Variants in VPS13B observed in about 807,000 individuals in gnomAD.
The protein encoded by VPS13B is intermembrane lipid transfer protein VPS13B.
In VPS13B, 285 loss-of-function variants were observed where a neutral mutation model predicts 426.4. That is an observed-to-expected ratio of 0.67 (90% CI 0.61 to 0.74). VPS13B has a LOEUF of 0.74. Ranked by LOEUF, VPS13B falls within the 30% of genes least tolerant of loss-of-function variation. The probability of loss-of-function intolerance (pLI) is 0.00; values close to 1 mark genes in which losing one functional copy is unlikely to be tolerated. For synonymous variants in VPS13B, 1,676 were observed against 1,676.4 expected (o/e 1.00, Z 0.01); for missense variants, 4,537 against 4,782.6 (o/e 0.95, Z 1.51).
At chr8:99,304,782 T>A (rs1309886849) in intron 19 of VPS13B, among the ~76,000 whole-genome samples, 1 of 152,158 alleles carries the variant, frequency 6.6e-6, no homozygotes, top group Non-Finnish European at 1.5e-5. Flanking sequence ...CTTTTATATC[T>A]GGGCAATCAA....
chr8:99,812,537 C>T (rs77061265), intron 44 of VPS13B, among the ~76,000 whole-genome samples: 7,129 of 152,244 alleles, frequency 0.047, 188 homozygotes, highest in African/African-American at 0.064. Flanking sequence ...AAGCTCTTTT[C>T]TTAACATTGA....
At position 99,511,468 on chromosome 8, in the gene VPS13B, G is replaced by T; in HGVS notation, c.4589G>T (p.Arg1530Ile). Reference protein sequence around the residue: ...PLIYVNTSVIRIFIPKTEEMQ... With the variant: ...PLIYVNTSVIIIFIPKTEEMQ... Reference sequence around the variant, plus strand: ...ATTTATGTCAACACAAGTGTAATCAGAATTTTTATTCCAAAAACAGAAGAA... The same window carrying T: ...ATTTATGTCAACACAAGTGTAATCATAATTTTTATTCCAAAAACAGAAGAA... The change falls in exon 29 of 62, where the codon AGA (arginine) becomes ATA (isoleucine). Residue 1530 changes from arginine to isoleucine, a missense_variant. By Grantham distance (97) the Arg-to-Ile change is moderately conservative (BLOSUM62 -3). Transcript: ENST00000357162. The T allele has an allele frequency of 1.2e-6, 2 of 1,612,766 alleles. No individual in the cohort carries two copies. The highest frequency in any genetic ancestry group is 1.7e-6 in the Non-Finnish European group (2 of 1,179,770).
intron 58 of VPS13B, among the ~76,000 whole-genome samples, chr8:99,863,983 C>T (rs558810276): frequency 4.0e-4 from 61 of 152,176 alleles, no homozygotes; most frequent in Admixed American, 1.7e-3. Flanking sequence ...TCACAGTGGG[C>T]ATCTCAAGCT....
intron 17 of VPS13B, among the ~76,000 whole-genome samples, chr8:99,214,593 G>A (rs1213861334): frequency 6.6e-6 from 1 of 152,118 alleles, no homozygotes; most frequent in Non-Finnish European, 1.5e-5. Flanking sequence ...AGGTTTAACT[G>A]ATTATATTAA....
intron 22 of VPS13B, among the ~76,000 whole-genome samples, chr8:99,439,678 T>C (rs1178939683): frequency 1.3e-5 from 2 of 152,072 alleles, no homozygotes; most frequent in Non-Finnish European, 2.9e-5. Context: ...AGTTATGTTA[T>C]TGAAAAGGGA....
At chr8:99,138,797 C>T (rs112074503) in intron 12 of VPS13B, among the ~76,000 whole-genome samples, 205 of 152,242 alleles carry the variant, frequency 1.3e-3, no homozygotes, top group African/African-American at 4.6e-3. Flanking sequence ...TGGTAGGTTT[C>T]CTCTTGTTCA....
At chr8:99,642,570 T>C (rs1359127472) in intron 34 of VPS13B, 72 bp downstream of exon 34, 2 of 1,372,010 alleles carry the variant, frequency 1.5e-6, no homozygotes, top group East Asian at 2.5e-5. Flanking sequence ...AGTTTCCAGA[T>C]TGATTAAACA....
At chr8:99,802,111 C>T (rs1813154531) in intron 43 of VPS13B, among the ~76,000 whole-genome samples, 1 of 150,528 alleles carries the variant, frequency 6.6e-6, no homozygotes, top group Admixed American at 6.6e-5. Context: ...GATCGTGCCA[C>T]TACACTCAAG....
At chr8:99,544,550 C>G (rs1457055554) in intron 30 of VPS13B, among the ~76,000 whole-genome samples, 1 of 151,982 alleles carries the variant, frequency 6.6e-6, no homozygotes, top group Non-Finnish European at 1.5e-5. Context: ...GAAATGATTG[C>G]TTAGTGCTTA....
rs886062537 is a variant in VPS13B, at chr8:99,147,951, A to G, written c.1954A>G (p.Ile652Val). 6.2e-7 allele frequency: 1 copy of G among 1,613,792 alleles called. No homozygotes were observed. Among genetic ancestry groups the G allele is most frequent in the Non-Finnish European group, 8.5e-7 (1 of 1,179,882 alleles). Residue 652 changes from isoleucine (I) to valine (V), a missense_variant, in exon 14 of 62, where the codon ATT (isoleucine) becomes GTT (valine). Around this residue, in one of 2 missense-constraint regions of VPS13B, gnomAD observed 4,311 missense variants for 4,474.3 expected, o/e 0.96. Transcript: ENST00000357162. ...SVTLLKCTCTISMAEFNLLDH... is the reference protein window; with the variant it reads ...SVTLLKCTCTVSMAEFNLLDH... ...TACTCTCCTCAAATGTACCTGCACAATTTCCATGGCTGAATTCAACTTGCT... is the reference window on the plus strand; with the variant it reads ...TACTCTCCTCAAATGTACCTGCACAGTTTCCATGGCTGAATTCAACTTGCT...
chr8:99,412,100 G>T (rs780276729), intron 21 of VPS13B, among the ~76,000 whole-genome samples: 5 of 152,200 alleles, frequency 3.3e-5, no homozygotes, highest in Admixed American at 6.5e-5. Context: ...GTCAATGGTA[G>T]CTTGATGGGG....
intron 19 of VPS13B, among the ~76,000 whole-genome samples, chr8:99,378,067 C>G (rs1450784818): frequency 6.7e-6 from 1 of 149,708 alleles, no homozygotes; most frequent in South Asian, 2.1e-4. Flanking sequence ...CTGCAGGAGG[C>G]CAGGACGTGT....
intron 33 of VPS13B, among the ~76,000 whole-genome samples, chr8:99,605,086 A>G (rs1827509187): frequency 1.3e-5 from 2 of 152,320 alleles, no homozygotes; most frequent in East Asian, 1.9e-4. Context: ...CATTTGCAAT[A>G]TGTGAGATTT....
At chr8:99,454,105 A>G (rs1278531041) in intron 23 of VPS13B, among the ~76,000 whole-genome samples, 3 of 152,202 alleles carry the variant, frequency 2.0e-5, no homozygotes, top group African/African-American at 4.8e-5. Flanking sequence ...ATTGGCATCA[A>G]ACAGTATATA....
Position 99,760,443 on chromosome 8 carries a change from A to C in VPS13B, c.7051-6331A>C, listed in dbSNP as rs1481852030. The stretch of plus-strand genomic sequence containing the variant: ...GTTTTATTATCCTTGTTTACAAGTG[A>C]GGGAACTGAGGCTCAGAATCATTAA... On this transcript the variant is annotated intron_variant, in intron 39 of 61. Coordinates refer to ENST00000357162, the MANE Select transcript of VPS13B (RefSeq NM_152564.5). Among the ~76,000 whole-genome samples the C allele has an allele frequency of 2.6e-5, 4 of 152,164 alleles. No individual in the cohort carries two copies. The East Asian group carries it at 7.7e-4, about 29-fold the overall frequency.
chr8:99,603,637 C>G (rs1827429283), intron 33 of VPS13B, among the ~76,000 whole-genome samples: 4 of 152,160 alleles, frequency 2.6e-5, no homozygotes, highest in Admixed American at 2.6e-4. Context: ...ACGACCCAGG[C>G]TGGATGGAGC....
At chr8:99,305,071 T>C (rs1457829842) in intron 19 of VPS13B, among the ~76,000 whole-genome samples, 2 of 152,172 alleles carry the variant, frequency 1.3e-5, no homozygotes, top group African/African-American at 4.8e-5. Context: ...AATTTTCTTC[T>C]TCTCTTACTT....
intron 39 of VPS13B, among the ~76,000 whole-genome samples, chr8:99,735,837 A>T (rs1466647411): frequency 6.6e-6 from 1 of 152,142 alleles, no homozygotes; most frequent in African/African-American, 2.4e-5. Context: ...AGAGTATATT[A>T]TGGACTGGGG....
At chr8:99,554,195 G>A (rs893218317) in intron 30 of VPS13B, among the ~76,000 whole-genome samples, 3 of 151,978 alleles carry the variant, frequency 2.0e-5, no homozygotes, top group Non-Finnish European at 4.4e-5. Flanking sequence ...TTTTAATATA[G>A]CACTAATTTT....
Sources: allele counts gnomAD v4.1 joint callset (sites outside exome capture counted in the v4.1 genomes callset), GRCh38; gene constraint gnomAD v4.1.1; regional missense constraint gnomAD v4.1.1; transcripts MANE v1.5; gene names NCBI Gene and HGNC (gene_info 2026-07-23, HGNC 2026-07-21).